Variants in EGFR observed in about 807,000 individuals in gnomAD.
The protein encoded by EGFR is avian erythroblastic leukemia viral (v-erb-b) oncogene homolog.
Under a neutral mutation model 143.0 loss-of-function variants are expected in EGFR, and 58 were observed. The observed-to-expected ratio is 0.41, with a 90% confidence interval of 0.33 to 0.50. The LOEUF (loss-of-function observed/expected upper bound fraction) is 0.50, where lower values mean the gene tolerates loss of function less well. EGFR is among the 20% of genes least tolerant of loss of function. The pLI, the probability that EGFR is intolerant of heterozygous loss-of-function variation, is 0.39. For missense variants in EGFR, 1,307 were observed against 1,579.0 expected (o/e 0.83, Z 2.92); for synonymous variants, 613 against 594.4 (o/e 1.03, Z -0.45).
chr7:55,068,594 G>T (rs1346964167), intron 1 of EGFR, among the ~76,000 whole-genome samples: 8 of 152,182 alleles, frequency 5.3e-5, no homozygotes, highest in African/African-American at 1.9e-4. Flanking sequence ...ATCTGCTCCT[G>T]GTCGTTTCTG....
In EGFR at chr7:55,057,028, C is replaced by T. The variant is rs529943039; in HGVS notation, c.88+37663C>T. 4.6e-5 allele frequency among the ~76,000 whole-genome samples: 7 copies of T among 152,274 alleles called. 1 individual carries two copies. The South Asian group carries it at 8.3e-4, about 18-fold the overall frequency. ...CAGAGTGGTTGAAGGCACAAGGATGCGCAGCAAGGAAGACAGACTTATAGG... is the reference window on the plus strand; with the variant it reads ...CAGAGTGGTTGAAGGCACAAGGATGTGCAGCAAGGAAGACAGACTTATAGG... On this transcript the variant is annotated intron_variant, in intron 1 of 27. Transcript: ENST00000275493.
chr7:55,149,019 C>A (rs1227576174), intron 4 of EGFR, among the ~76,000 whole-genome samples: 1 of 151,934 alleles, frequency 6.6e-6, no homozygotes, highest in Admixed American at 6.6e-5. Flanking sequence ...AATCCATCAC[C>A]CACTCCTTGT....
intron 1 of EGFR, among the ~76,000 whole-genome samples, chr7:55,078,811 T>C (rs1206829356): frequency 1.3e-5 from 2 of 152,138 alleles, no homozygotes; most frequent in Non-Finnish European, 2.9e-5. Context: ...GCGTCCACTT[T>C]CTCCATGGAG....
At chr7:55,098,617 T>C (rs1028736951) in intron 1 of EGFR, among the ~76,000 whole-genome samples, 2 of 152,186 alleles carry the variant, frequency 1.3e-5, no homozygotes, top group African/African-American at 4.8e-5. Flanking sequence ...TGTATGCATA[T>C]TGTTGTTAAG....
intron 1 of EGFR, among the ~76,000 whole-genome samples, chr7:55,132,438 T>A (rs1793901254): frequency 6.6e-6 from 1 of 152,204 alleles, no homozygotes; most frequent in African/African-American, 2.4e-5. Context: ...TATCCCCCAA[T>A]TCGAATCCAG....
intron 4 of EGFR, 25 bp from the exon 5 acceptor site, chr7:55,151,269 T>C (rs1216818001): frequency 2.5e-6 from 4 of 1,612,272 alleles, no homozygotes; most frequent in Middle Eastern, 1.6e-4. Flanking sequence ...CACTGAGATA[T>C]GCATCTATTA....
At chr7:55,098,089 C>T (rs1791583830) in intron 1 of EGFR, among the ~76,000 whole-genome samples, 1 of 152,110 alleles carries the variant, frequency 6.6e-6, no homozygotes, top group African/African-American at 2.4e-5. Flanking sequence ...TCATACAGAC[C>T]CCAGAGTTGC....
chr7:55,113,083 C>G (rs964267169), intron 1 of EGFR, among the ~76,000 whole-genome samples: 1 of 152,266 alleles, frequency 6.6e-6, no homozygotes, highest in African/African-American at 2.4e-5. Flanking sequence ...TGACAGGCAC[C>G]GACAGGCTGT....
intron 1 of EGFR, among the ~76,000 whole-genome samples, chr7:55,108,592 T>C (rs950095626): frequency 2.6e-5 from 4 of 152,230 alleles, no homozygotes; most frequent in African/African-American, 9.6e-5. Context: ...CTGGAATTCA[T>C]GAACACTAGT....
chr7:55,104,400 CCA>C (rs1414170591), intron 1 of EGFR, among the ~76,000 whole-genome samples: 1 of 152,278 alleles, frequency 6.6e-6, no homozygotes, highest in East Asian at 1.9e-4. Context: ...ATGTGGAGCC[CCA>C]TGGATTCTGA....
At chr7:55,069,780 G>T (rs1177507356) in intron 1 of EGFR, among the ~76,000 whole-genome samples, 6 of 152,214 alleles carry the variant, frequency 3.9e-5, no homozygotes. Context: ...AGACTCTAGT[G>T]TTAAAGACAG....
intron 1 of EGFR, among the ~76,000 whole-genome samples, chr7:55,099,851 A>G (rs1205744677): frequency 6.6e-6 from 1 of 152,138 alleles, no homozygotes; most frequent in Admixed American, 6.5e-5. Flanking sequence ...AAGGGGCCCA[A>G]TTCTCAACAC....
Position 55,200,204 on chromosome 7 carries a change from A to G in EGFR, c.2849-112A>G, listed in dbSNP as rs139736657. On this transcript the variant is annotated intron_variant, in intron 23 of 27. Transcript: ENST00000275493. ...TCTACCACAAAGACTTGGTTCTTTC[A>G]TCACTTATTTGACTGGAAGTGTCGC... 203 of 1,051,788 alleles carry G rather than the reference A, an allele frequency of 1.9e-4. No homozygotes were observed. The African/African-American group carries it at 2.6e-3, about 14-fold the overall frequency. 65.2% of individuals were successfully genotyped at this position (1,051,788 alleles called of 1,614,324 possible). A position where few individuals can be genotyped will look rare whatever the true frequency, so the allele number is the denominator to read the frequency against.
intron 1 of EGFR, among the ~76,000 whole-genome samples, chr7:55,064,595 T>C (rs1279091505): frequency 1.3e-5 from 2 of 152,246 alleles, no homozygotes; most frequent in Non-Finnish European, 2.9e-5. Flanking sequence ...TCTCAGTCAG[T>C]GCGCATTTAC....
chr7:55,062,135 C>CAA (rs1789221318), intron 1 of EGFR, among the ~76,000 whole-genome samples: 1 of 152,132 alleles, frequency 6.6e-6, no homozygotes. Context: ...CAAGAGATGT[C>CAA]CAAGGCTAGA....
At chr7:55,059,179 AAC>A (rs547710833) in intron 1 of EGFR, among the ~76,000 whole-genome samples, 1 of 152,206 alleles carries the variant, frequency 6.6e-6, no homozygotes, top group South Asian at 2.1e-4. Context: ...TCCAAGTAAA[AAC>A]ACACCAGGAA....
At chr7:55,027,992 ATAT>A (rs1333204397) in intron 1 of EGFR, among the ~76,000 whole-genome samples, 53 of 44,686 alleles carry the variant, frequency 1.2e-3, no homozygotes, top group South Asian at 4.6e-3. Flanking sequence ...AAAAAAAAAA[ATAT>A]ATATATATAT....
intron 1 of EGFR, among the ~76,000 whole-genome samples, chr7:55,132,932 A>G (rs6593209): frequency 0.91 from 138,992 of 152,284 alleles, 63,610 homozygotes; most frequent in East Asian, 1. Context: ...AAGGGTCATC[A>G]TGCAACCTCT....
At chr7:55,165,981 C>T (rs10241363) in intron 15 of EGFR, among the ~76,000 whole-genome samples, 2,657 of 152,154 alleles carry the variant, frequency 0.017, 85 homozygotes, top group African/African-American at 0.061. Flanking sequence ...AGCTTGAGAC[C>T]AGGCTGGCCA....
Sources: allele counts gnomAD v4.1 joint callset (sites outside exome capture counted in the v4.1 genomes callset), GRCh38; gene constraint gnomAD v4.1.1; transcripts MANE v1.5; gene names NCBI Gene and HGNC (gene_info 2026-07-23, HGNC 2026-07-21).